Variants in MDH2 observed in about 807,000 individuals in gnomAD.
MDH2 encodes malate dehydrogenase, mitochondrial.
A neutral mutation model predicts 33.6 loss-of-function variants in MDH2; 25 were observed. The observed-to-expected ratio is 0.74, with a 90% CI of 0.54 to 1.04. The LOEUF is 1.04. Ranked by LOEUF, MDH2 falls within the 50% of genes least tolerant of loss-of-function variation. MDH2 has a pLI of 0.00. For synonymous variants in MDH2, 193 were observed against 188.7 expected, an observed-to-expected ratio of 1.02 and a Z score of -0.19; for missense variants, 432 against 445.0, an observed-to-expected ratio of 0.97 and a Z score of 0.26.
chr7:76,048,332 C>A, intron 1 of MDH2, 106 bp downstream of exon 1: 3 of 1,399,424 alleles, frequency 2.1e-6, no homozygotes, highest in Non-Finnish European at 2.8e-6. Flanking sequence ...GCCTGGACCG[C>A]AGGGATGCCC....
At chr7:76,063,658 G>T (rs1393378640) in intron 6 of MDH2, 66 bp downstream of exon 6, 1 of 1,495,184 alleles carries the variant, frequency 6.7e-7, no homozygotes, top group East Asian at 2.3e-5. Context: ...CCTGCTTTGA[G>T]GTGATCCCGG....
rs117503632 is a variant in MDH2 at position 76,057,704 on chromosome 7, C to T, written c.319+211C>T. Among the ~76,000 whole-genome samples the T allele has an allele frequency of 7.7e-3, 1,173 of 152,278 alleles. 6 individuals carry two copies. The highest frequency in any genetic ancestry group is 0.02 in the South Asian group (98 of 4,828). On this transcript the variant is annotated intron_variant, in intron 3 of 8. Transcript: ENST00000315758. Reference sequence around the variant, plus strand: ...CCCTGTGCCTCTGTGCACGGACGCCCTTCCCTCTTCTCAGTCCCACTCTAC... The same window carrying T: ...CCCTGTGCCTCTGTGCACGGACGCCTTTCCCTCTTCTCAGTCCCACTCTAC...
At chr7:76,059,899 T>G (rs1797897420) in intron 4 of MDH2, among the ~76,000 whole-genome samples, 1 of 152,190 alleles carries the variant, frequency 6.6e-6, no homozygotes, top group Admixed American at 6.5e-5. Flanking sequence ...TATTTATGAC[T>G]TCATGAGGTT....
intron 1 of MDH2, chr7:76,048,640 G>T: frequency 1.6e-6 from 2 of 1,269,014 alleles, no homozygotes; most frequent in East Asian, 6.2e-5. Context: ...GTGAATAAAA[G>T]AAATCGTATA....
chr7:76,065,610 G>A (rs552710374), intron 8 of MDH2, among the ~76,000 whole-genome samples: 54 of 152,272 alleles, frequency 3.5e-4, no homozygotes, highest in African/African-American at 7.9e-4. Context: ...TCCCCATGTC[G>A]GTGCAGGTGT....
intron 5 of MDH2, among the ~76,000 whole-genome samples, chr7:76,062,756 C>T (rs920094939): frequency 3.3e-5 from 5 of 152,138 alleles, no homozygotes; most frequent in Non-Finnish European, 4.4e-5. Context: ...CTGTACAAAA[C>T]ATTTAAAAAA....
rs372862264 is a variant in MDH2, at chr7:76,064,960, A to C, written c.885+7A>C. The stretch of plus-strand genomic sequence containing the variant: ...CACACCGCTGCTGCTTGGGGTACGT[A>C]TCCAGGCGTGGGTCCTTCTGACTGT... On this transcript the variant is annotated splice_region_variant and intron_variant, in intron 8 of 8. Coordinates refer to ENST00000315758, the MANE Select transcript of MDH2 (RefSeq NM_005918.4). 18 of 1,613,940 alleles carry C rather than the reference A, an allele frequency of 1.1e-5. No homozygotes were observed. The highest frequency in any genetic ancestry group is 1.4e-5 in the Non-Finnish European group (17 of 1,179,966).
At chr7:76,057,293 A>C (rs1002180621) in intron 2 of MDH2, 117 bp from the exon 3 acceptor site, 10 of 975,558 alleles carry the variant, frequency 1.0e-5, no homozygotes, top group Non-Finnish European at 1.5e-5. Flanking sequence ...GTCACGTTAC[A>C]GGCAGGGCTT....
intron 2 of MDH2, among the ~76,000 whole-genome samples, chr7:76,055,325 G>A (rs751864422): frequency 9.9e-5 from 15 of 152,100 alleles, no homozygotes; most frequent in Non-Finnish European, 1.6e-4. Context: ...TCAGCTGCGG[G>A]CCACCTTCCC....
In MDH2 at chr7:76,064,892, G is replaced by A; in HGVS notation, c.824G>A (p.Cys275Tyr). ...AMNGKEGVVE[C>Y]SFVKSQETEC... ...AATGGAAAGGAAGGTGTTGTGGAAT[G>A]TTCCTTCGTTAAGTCACAGGAAACG... The change falls in exon 8 of 9, where the codon TGT becomes TAT. Residue 275 changes from cysteine (C) to tyrosine (Y), a missense_variant. Coordinates refer to ENST00000315758, the MANE Select transcript of MDH2 (RefSeq NM_005918.4). The A allele has an allele frequency of 6.2e-7, 1 of 1,614,192 alleles. No individual in the cohort carries two copies.
rs1554588040 is a variant in MDH2 at position 76,066,949 on chromosome 7, G to C, written c.*539G>C. 1 of 152,266 alleles carries C rather than the reference G, an allele frequency of 6.6e-6. No individual in the cohort carries two copies. The highest frequency in any genetic ancestry group is 6.5e-5 in the Admixed American group (1 of 15,272). 9.4% of individuals were successfully genotyped at this position (152,266 alleles called of 1,614,324 possible). On this transcript the variant is annotated 3_prime_UTR_variant, in exon 9 of 9. Transcript: ENST00000315758. ...CCTTTCTCATTGAGCTTCCTCTACT[G>C]ACCTCTGTCCCCCTTGGGATTTCAT... is the stretch of plus-strand genomic sequence containing the variant.
At chr7:76,052,687 G>A (rs532196608) in intron 1 of MDH2, among the ~76,000 whole-genome samples, 59 of 151,550 alleles carry the variant, frequency 3.9e-4, no homozygotes, top group African/African-American at 1.1e-3. Context: ...TAGGATTACC[G>A]GTGCGCGCCA....
At chr7:76,057,678 C>T (rs1246335541) in intron 3 of MDH2, among the ~76,000 whole-genome samples, 185 bp downstream of exon 3, 1 of 152,282 alleles carries the variant, frequency 6.6e-6, no homozygotes, top group East Asian at 1.9e-4. Flanking sequence ...TCTTGCCGTT[C>T]CCCTGTGCCT....
chr7:76,055,374 C>T (rs934003467), intron 2 of MDH2, among the ~76,000 whole-genome samples: 15 of 152,100 alleles, frequency 9.9e-5, no homozygotes, highest in East Asian at 3.9e-4. Flanking sequence ...TCAAAAAGCA[C>T]GGCCTCTTTG....
chr7:76,063,690 A>C, intron 6 of MDH2, 98 bp downstream of exon 6: 1 of 1,268,162 alleles, frequency 7.9e-7, no homozygotes, highest in Non-Finnish European at 1.1e-6. Context: ...AGGCCTGGCC[A>C]CGTGCCAGGT....
chr7:76,057,347 GAA>G, intron 2 of MDH2, 61 bp from the exon 3 acceptor site: 1 of 1,592,360 alleles, frequency 6.3e-7, no homozygotes, highest in Non-Finnish European at 8.6e-7. Flanking sequence ...GGCCAGGGCT[GAA>G]CTTTCCAGGC....
At chr7:76,051,638 C>G (rs1329284935) in intron 1 of MDH2, among the ~76,000 whole-genome samples, 1 of 152,152 alleles carries the variant, frequency 6.6e-6, no homozygotes, top group Non-Finnish European at 1.5e-5. Context: ...GTATCTTTAA[C>G]AGTAAAAGCG....
intron 7 of MDH2, 62 bp downstream of exon 7, chr7:76,064,500 G>C: frequency 2.9e-6 from 4 of 1,392,808 alleles, no homozygotes; most frequent in Admixed American, 4.1e-5. Flanking sequence ...CTCAGGGTTG[G>C]GGAGAAATGC....
intron 1 of MDH2, chr7:76,048,777 G>T (rs894233472): frequency 5.7e-6 from 7 of 1,226,554 alleles, no homozygotes; most frequent in African/African-American, 1.6e-5. Context: ...CTTTTTGGAG[G>T]ATCTCTCCTG....
Sources: gnomAD v4.1 joint callset for allele counts (sites outside exome capture counted in the v4.1 genomes callset) on GRCh38, gnomAD v4.1.1 for gene constraint, MANE v1.5 for transcripts, NCBI Gene and HGNC (gene_info 2026-07-23, HGNC 2026-07-21) for gene names.